The following LLCFC1 variants were observed in gnomAD, a reference collection of about 807,000 sequenced individuals.
The protein encoded by LLCFC1 is sperm-oocyte fusion factor 1.
Under a neutral mutation model 9.8 loss-of-function variants are expected in LLCFC1, and 14 were observed. That is an observed-to-expected ratio of 1.43 (90% CI 0.95 to 2.24). LLCFC1 has a LOEUF of 2.24. LLCFC1 is among the 30% of genes most tolerant of loss of function. LLCFC1 has a pLI of 0.00. For missense variants in LLCFC1, 162 were observed against 148.0 expected (o/e 1.09, Z -0.49); for synonymous variants, 70 against 58.8 (o/e 1.19, Z -0.87).
intron 1 of LLCFC1, among the ~76,000 whole-genome samples, chr7:142,940,125 G>GTA (rs1796308317): frequency 6.7e-6 from 1 of 150,240 alleles, no homozygotes; most frequent in Non-Finnish European, 1.5e-5. Flanking sequence ...GTGTGTGTGT[G>GTA]TGTGTGTGTG....
At chr7:142,939,933 A>C (rs1796302130) in intron 1 of LLCFC1, among the ~76,000 whole-genome samples, 179 bp downstream of exon 1, 1 of 152,178 alleles carries the variant, frequency 6.6e-6, no homozygotes, top group Non-Finnish European at 1.5e-5. Flanking sequence ...AACTCCAGCC[A>C]CTGATGGTTA....
In LLCFC1 at chr7:142,939,608, G is replaced by C. The variant is rs565323045; in HGVS notation, c.-14G>C. The C allele has an allele frequency of 6.2e-7, 1 of 1,607,972 alleles. No individual in the cohort carries two copies. The highest frequency in any genetic ancestry group is 2.2e-5 in the East Asian group (1 of 44,824). On this transcript the variant is annotated 5_prime_UTR_variant, in exon 1 of 2. Transcript: ENST00000409607. ...GGAGCAGGGGGCGGCCAAAGGCAGTGGGTGGGCAGGTCCATGCCTCCCCTG... is the reference window on the plus strand; with the variant it reads ...GGAGCAGGGGGCGGCCAAAGGCAGTCGGTGGGCAGGTCCATGCCTCCCCTG...
At position 142,940,076 on chromosome 7, in the gene LLCFC1, AC is replaced by A. The variant is rs555482604; in HGVS notation, c.134-273del. 4.1e-4 allele frequency among the ~76,000 whole-genome samples: 61 copies of A among 149,316 alleles called. 1 individual carries two copies. The South Asian group carries it at 0.011, about 27-fold the overall frequency. ...GGCCCCTGACTCCCCCAGTGTTGAA[AC>A]CCTAGAGGAGGCAGCTAACCTTAGG... On this transcript the variant is annotated intron_variant, in intron 1 of 1. Transcript: ENST00000409607.
In LLCFC1 at chr7:142,939,747, C is replaced by T; in HGVS notation, c.126C>T (p.Pro42=). The change falls in exon 1 of 2, where the codon CCC becomes CCT. Residue 42 remains proline, a synonymous_variant. Transcript: ENST00000409607. The part of the protein sequence containing the change: ...PKDGSQTEKT[P]SADQNQEQFE... The stretch of plus-strand genomic sequence containing the variant: ...ATGGGAGCCAGACAGAGAAAACGCC[C>T]TCTGCAGGTAGGTGGAAAAAAAGAC... 1 of 1,610,058 alleles carries T rather than the reference C, an allele frequency of 6.2e-7. No homozygotes were observed. Among genetic ancestry groups the T allele is most frequent in the Non-Finnish European group, 8.5e-7 (1 of 1,178,726 alleles).
chr7:142,940,154 T>C lies in LLCFC1; in HGVS notation c.134-198T>C, dbSNP rs1796309233. The stretch of plus-strand genomic sequence containing the variant: ...GTGTGTGTGTGTGTGTGTGTGTGTG[T>C]GTGTTTGAGTTGGGGCTGTGATTGA... On this transcript the variant is annotated intron_variant, in intron 1 of 1. Transcript: ENST00000409607. 3.4e-5 allele frequency among the ~76,000 whole-genome samples: 4 copies of C among 118,140 alleles called. No individual in the cohort carries two copies. The South Asian group carries it at 8.6e-4, about 25-fold the overall frequency. The allele number at this position is 118,140 out of a possible 152,430, so 77.5% of individuals were successfully genotyped here. A position where few individuals can be genotyped will look rare whatever the true frequency, so the allele number is the denominator to read the frequency against.
Position 142,940,335 on chromosome 7 carries a change from C to A in LLCFC1, c.134-17C>A. 6.2e-7 allele frequency: 1 copy of A among 1,607,186 alleles called. No homozygotes were observed. The highest frequency in any genetic ancestry group is 8.5e-7 in the Non-Finnish European group (1 of 1,173,692). On this transcript the variant is annotated splice_polypyrimidine_tract_variant and intron_variant, in intron 1 of 1. Coordinates refer to ENST00000409607, the MANE Select transcript of LLCFC1 (RefSeq NM_001382496.1). ...CCAGGGTCAGGGCTCAGTCCTTGTCCTTTTCCCCTGTTCCAGACCAGAATC... is the reference window on the plus strand; with the variant it reads ...CCAGGGTCAGGGCTCAGTCCTTGTCATTTTCCCCTGTTCCAGACCAGAATC...
Position 142,940,744 on chromosome 7 carries a change from T to C in LLCFC1, c.*157T>C, listed in dbSNP as rs1300576700. The C allele has an allele frequency of 6.0e-6, 4 of 663,512 alleles. No homozygotes were observed. The allele number at this position is 663,512 out of a possible 1,614,324, so 41.1% of individuals were successfully genotyped here. On this transcript the variant is annotated 3_prime_UTR_variant, in exon 2 of 2. Transcript: ENST00000409607. ...CTGCCTCTCCAGGTTCGGAGTTTCA[T>C]CTCCCAGGGCCAGAGACAGCAGACC...
Position 142,939,635 on chromosome 7 carries a change from C to A in LLCFC1, c.14C>A (p.Ala5Asp). Reference protein sequence around the residue: MPPLAPQLCRAVFLV... With the variant: MPPLDPQLCRAVFLV... ...GTGGGCAGGTCCATGCCTCCCCTGG[C>A]CCCCCAGCTCTGCAGGGCAGTGTTC... The change falls in exon 1 of 2, where the codon GCC becomes GAC. Residue 5 changes from alanine (A) to aspartate (D), a missense_variant. By Grantham distance (126) the Ala-to-Asp change is moderately radical. Coordinates refer to ENST00000409607, the MANE Select transcript of LLCFC1 (RefSeq NM_001382496.1). 1 of 1,612,102 alleles carries A rather than the reference C, an allele frequency of 6.2e-7. No individual in the cohort carries two copies. The highest frequency in any genetic ancestry group is 8.5e-7 in the Non-Finnish European group (1 of 1,178,956).
In LLCFC1 at chr7:142,940,587, A is replaced by AGCCT. The variant is rs1179304777; in HGVS notation, c.369_*1insGCCT. The stretch of plus-strand genomic sequence containing the variant: ...AACTCTGCTTCATGCTCACTCACTG[A>AGCCT]CCCTCCCTCCCTCCTGGGCTCCAGG... On this transcript the variant is annotated 3_prime_UTR_variant, in exon 2 of 2. Transcript: ENST00000409607. 6.2e-7 allele frequency: 1 copy of AGCCT among 1,612,534 alleles called. No homozygotes were observed. The highest frequency in any genetic ancestry group is 8.5e-7 in the Non-Finnish European group (1 of 1,179,004).
Position 142,939,646 on chromosome 7 carries a change from T to G in LLCFC1, c.25T>G (p.Cys9Gly). 1.9e-6 allele frequency: 3 copies of G among 1,613,954 alleles called. No individual in the cohort carries two copies. Among genetic ancestry groups the G allele is most frequent in the Non-Finnish European group, 2.5e-6 (3 of 1,179,892 alleles). The part of the protein sequence containing the change: MPPLAPQL[C>G]RAVFLVPILL... ...CATGCCTCCCCTGGCCCCCCAGCTC[T>G]GCAGGGCAGTGTTCCTGGTTCCTAT... is the stretch of plus-strand genomic sequence containing the variant. Residue 9 changes from cysteine (C) to glycine (G), a missense_variant, in exon 1 of 2, where the codon TGC (cysteine) becomes GGC (glycine). Cys to Gly is a radical substitution (Grantham distance 159, BLOSUM62 -3). Coordinates refer to ENST00000409607, the MANE Select transcript of LLCFC1 (RefSeq NM_001382496.1).
chr7:142,939,669 T>A lies in LLCFC1; in HGVS notation c.48T>A (p.Pro16=). ...TCTGCAGGGCAGTGTTCCTGGTTCC[T>A]ATCTTGCTGCTGCTGCAGGTGAAGC... ...PQLCRAVFLV[P]ILLLLQVKPL... is the part of the protein sequence containing the mutation. The change falls in exon 1 of 2, where the codon CCT becomes CCA. Residue 16 remains proline (P), a synonymous_variant. Transcript: ENST00000409607. 1 of 1,614,206 alleles carries A rather than the reference T, an allele frequency of 6.2e-7. No individual in the cohort carries two copies. The highest frequency in any genetic ancestry group is 8.5e-7 in the Non-Finnish European group (1 of 1,180,030).
chr7:142,940,070 G>A (rs1234798906), intron 1 of LLCFC1, among the ~76,000 whole-genome samples: 4 of 151,048 alleles, frequency 2.6e-5, no homozygotes, highest in Non-Finnish European at 5.9e-5. Context: ...CTCCCCCAGT[G>A]TTGAAACCCT....
Position 142,939,709 on chromosome 7 carries a change from C to T in LLCFC1, c.88C>T (p.Pro30Ser). 6.2e-7 allele frequency: 1 copy of T among 1,614,052 alleles called. No individual in the cohort carries two copies. Among genetic ancestry groups the T allele is most frequent in the Non-Finnish European group, 8.5e-7 (1 of 1,179,960 alleles). Residue 30 changes from proline (P) to serine (S), a missense_variant, in exon 1 of 2, where the codon CCA becomes TCA. Physicochemically the swap from Pro to Ser is moderately conservative, Grantham distance 74. Transcript: ENST00000409607. ...GCAGGTGAAGCCTCTGAACGGGAGC[C>T]CAGGCCCCAAAGATGGGAGCCAGAC... ...LLQVKPLNGS[P>S]GPKDGSQTEK...
chr7:142,940,642 G>T lies in LLCFC1; in HGVS notation c.*55G>T, dbSNP rs1796326061. ...AACTCCCAAAGGAGATGCAGGCATG[G>T]CTCTCTGCCTCTGATCACCATCACT... On this transcript the variant is annotated 3_prime_UTR_variant, in exon 2 of 2. Transcript: ENST00000409607. The T allele has an allele frequency of 5.8e-6, 8 of 1,389,222 alleles. No individual in the cohort carries two copies. Among genetic ancestry groups the T allele is most frequent in the Non-Finnish European group, 8.2e-6 (8 of 979,466 alleles). 86.1% of individuals were successfully genotyped at this position (1,389,222 alleles called of 1,614,324 possible).
At chr7:142,940,126 TG>T (rs1796308433) in intron 1 of LLCFC1, among the ~76,000 whole-genome samples, 2 of 150,108 alleles carry the variant, frequency 1.3e-5, no homozygotes, top group Admixed American at 1.3e-4. Context: ...TGTGTGTGTG[TG>T]TGTGTGTGTG....
intron 1 of LLCFC1, among the ~76,000 whole-genome samples, chr7:142,939,965 G>C (rs6947073): frequency 0.17 from 26,605 of 152,044 alleles, 4,455 homozygotes; most frequent in African/African-American, 0.45. Flanking sequence ...AATAGTGTCG[G>C]CTCACCATGG....
chr7:142,939,618 G>T lies in LLCFC1; in HGVS notation c.-4G>T, dbSNP rs758283116. On this transcript the variant is annotated 5_prime_UTR_variant, in exon 1 of 2. Transcript: ENST00000409607. ...GCGGCCAAAGGCAGTGGGTGGGCAGGTCCATGCCTCCCCTGGCCCCCCAGC... is the reference window on the plus strand; with the variant it reads ...GCGGCCAAAGGCAGTGGGTGGGCAGTTCCATGCCTCCCCTGGCCCCCCAGC... 1.2e-6 allele frequency: 2 copies of T among 1,610,964 alleles called. No homozygotes were observed. The highest frequency in any genetic ancestry group is 1.7e-6 in the Non-Finnish European group (2 of 1,178,522).
chr7:142,940,794 C>T lies in LLCFC1; in HGVS notation c.*207C>T. 1.6e-6 allele frequency: 1 copy of T among 606,552 alleles called. No individual in the cohort carries two copies. Among genetic ancestry groups the T allele is most frequent in the East Asian group, 2.7e-5 (1 of 36,448 alleles). The allele number at this position is 606,552 out of a possible 1,614,324, so 37.6% of individuals were successfully genotyped here. A position where few individuals can be genotyped will look rare whatever the true frequency, so the allele number is the denominator to read the frequency against. On this transcript the variant is annotated 3_prime_UTR_variant, in exon 2 of 2. Transcript: ENST00000409607. The stretch of plus-strand genomic sequence containing the variant: ...CCACATCCTTCTCTCCCACACCTCT[C>T]CTGGTTTTGTTCAGGACAGCAGATT...
rs1345899736 is a variant in LLCFC1, at chr7:142,940,426, G to A, written c.208G>A (p.Ala70Thr). Residue 70 changes from alanine to threonine, a missense_variant, in exon 2 of 2, where the codon GCC (alanine) becomes ACC (threonine). By Grantham distance (58) the Ala-to-Thr change is moderately conservative (BLOSUM62 0). Coordinates refer to ENST00000409607, the MANE Select transcript of LLCFC1 (RefSeq NM_001382496.1). ...TGAGATGTGGCAGGTGGTGGACATGGCCCAGCAGGAAGAAGACCAGTCGTC... is the reference window on the plus strand; with the variant it reads ...TGAGATGTGGCAGGTGGTGGACATGACCCAGCAGGAAGAAGACCAGTCGTC... Reference protein sequence around the residue: ...VGEMWQVVDMAQQEEDQSSKT... With the variant: ...VGEMWQVVDMTQQEEDQSSKT... 1.9e-6 allele frequency: 3 copies of A among 1,614,182 alleles called. No individual in the cohort carries two copies. Among genetic ancestry groups the A allele is most frequent in the Non-Finnish European group, 2.5e-6 (3 of 1,180,032 alleles).
Sources: allele counts gnomAD v4.1 joint callset (sites outside exome capture counted in the v4.1 genomes callset), GRCh38; gene constraint gnomAD v4.1.1; transcripts MANE v1.5; gene names NCBI Gene and HGNC (gene_info 2026-07-23, HGNC 2026-07-21).